STX3: variants seen among roughly 807,000 people sequenced by gnomAD.
STX3 encodes syntaxin-3.
STX3 carries 19 observed loss-of-function variants against 40.2 expected under a neutral mutation model. That is an observed-to-expected ratio of 0.47 (90% CI 0.33 to 0.69). STX3 has a LOEUF of 0.69. Ranked by LOEUF, STX3 falls within the 30% of genes least tolerant of loss-of-function variation. The pLI is 0.02. For missense variants in STX3, 364 were observed against 366.7 expected (o/e 0.99, Z 0.06); for synonymous variants, 122 against 132.2 (o/e 0.92, Z 0.53).
At position 59,788,883 on chromosome 11, in the gene STX3, T is replaced by A; in HGVS notation, c.225T>A (p.Asp75Glu). 6.2e-7 allele frequency: 1 copy of A among 1,612,430 alleles called. No homozygotes were observed. The highest frequency in any genetic ancestry group is 8.5e-7 in the Non-Finnish European group (1 of 1,179,210). Reference protein sequence around the residue: ...SAPIPEPKTKDDLEQLTTEIK... With the variant: ...SAPIPEPKTKEDLEQLTTEIK... ...CCTTTATTTACCCAGAAACCAAGGA[T>A]GACCTAGAGCAGCTCACGACTGAGA... Residue 75 changes from aspartate to glutamate, a missense_variant, in exon 4 of 11, where the codon GAT (aspartate) becomes GAA (glutamate). Coordinates refer to ENST00000337979, the MANE Select transcript of STX3 (RefSeq NM_004177.5).
intron 1 of STX3, among the ~76,000 whole-genome samples, chr11:59,763,745 C>T (rs1031309041): frequency 5.9e-5 from 9 of 152,184 alleles, no homozygotes; most frequent in Non-Finnish European, 1.0e-4. Flanking sequence ...CGGCCGGGCG[C>T]GGTGGCTCAT....
intron 1 of STX3, among the ~76,000 whole-genome samples, chr11:59,757,525 C>T (rs1862786016): frequency 6.6e-6 from 1 of 152,158 alleles, no homozygotes; most frequent in Admixed American, 6.5e-5. Context: ...CTCCTCGGTG[C>T]CTCATGGTTA....
chr11:59,772,280 C>G (rs1048285372), intron 1 of STX3, among the ~76,000 whole-genome samples: 9 of 152,232 alleles, frequency 5.9e-5, no homozygotes, highest in Admixed American at 2.6e-4. Context: ...TGTGCAGCAG[C>G]TGTCTGGGAA....
At chr11:59,770,371 A>G (rs2134907731) in intron 1 of STX3, among the ~76,000 whole-genome samples, 1 of 147,862 alleles carries the variant, frequency 6.8e-6, no homozygotes, top group African/African-American at 2.5e-5. Flanking sequence ...GAGTGTGTGT[A>G]TGTATAGGGT....
intron 10 of STX3, chr11:59,799,963 T>A: frequency 1.0e-6 from 1 of 985,384 alleles, no homozygotes; most frequent in Non-Finnish European, 1.2e-6. Context: ...TATTTTTCCA[T>A]ATCCTTGGAT....
At chr11:59,763,800 C>G (rs1348253247) in intron 1 of STX3, among the ~76,000 whole-genome samples, 1 of 152,174 alleles carries the variant, frequency 6.6e-6, no homozygotes, top group South Asian at 2.1e-4. Flanking sequence ...GGTGGATCAC[C>G]TGAGGTTGGG....
rs539118682 is a variant in STX3 at position 59,755,406 on chromosome 11, G to A, written c.-200G>A. 1.9e-3 allele frequency: 811 copies of A among 431,770 alleles called. 6 individuals are homozygous for A. The highest frequency in any genetic ancestry group is 0.014 in the African/African-American group (687 of 48,114). 26.7% of individuals were successfully genotyped at this position (431,770 alleles called of 1,614,324 possible). On this transcript the variant is annotated 5_prime_UTR_variant, in exon 1 of 11. Transcript: ENST00000337979. ...TGGAGCGCGAGGCGCCGGTGGGGGC[G>A]GAGGGGGCTGCGCGGCGGAGGCTCC...
intron 2 of STX3, among the ~76,000 whole-genome samples, chr11:59,784,257 T>G (rs889530243): frequency 3.3e-5 from 5 of 152,252 alleles, no homozygotes; most frequent in South Asian, 2.1e-4. Context: ...ATGCAAAATC[T>G]AAGTCCTTCA....
At chr11:59,777,682 G>C (rs1034998959) in intron 2 of STX3, among the ~76,000 whole-genome samples, 2 of 152,222 alleles carry the variant, frequency 1.3e-5, no homozygotes, top group Non-Finnish European at 2.9e-5. Flanking sequence ...TTCTAGGTCA[G>C]CATCACTGTG....
rs140709330 is a variant in STX3 at position 59,797,357 on chromosome 11, G to A, written c.861G>A (p.Gly287=). ...CATTGATTATTGGACTTTCCGTTGG[G>A]CTGAATTAAGAGTGGCCTAAGAGGC... ...ILALIIGLSV[G]LN is the part of the protein sequence containing the mutation. Residue 287 remains glycine, a synonymous_variant, in exon 10 of 11, where the codon GGG becomes GGA. Coordinates refer to ENST00000337979, the MANE Select transcript of STX3 (RefSeq NM_004177.5). 44 of 1,614,158 alleles carry A rather than the reference G, an allele frequency of 2.7e-5. No homozygotes were observed. Among genetic ancestry groups the A allele is most frequent in the Non-Finnish European group, 3.6e-5 (42 of 1,180,016 alleles).
At chr11:59,787,628 C>T (rs1282938120) in intron 3 of STX3, among the ~76,000 whole-genome samples, 2 of 152,244 alleles carry the variant, frequency 1.3e-5, no homozygotes, top group African/African-American at 4.8e-5. Context: ...TTTTTTCTCC[C>T]CTAATTGTTT....
chr11:59,784,698 A>T (rs1014447399), intron 2 of STX3, among the ~76,000 whole-genome samples: 1 of 152,174 alleles, frequency 6.6e-6, no homozygotes, highest in African/African-American at 2.4e-5. Flanking sequence ...AAACCATCAG[A>T]TCTTGTGAGA....
chr11:59,782,385 T>C (rs1486514308), intron 2 of STX3, among the ~76,000 whole-genome samples: 1 of 152,200 alleles, frequency 6.6e-6, no homozygotes, highest in African/African-American at 2.4e-5. Flanking sequence ...ACCTGGCATA[T>C]GACAAATGTG....
At chr11:59,767,761 G>C (rs1863348775) in intron 1 of STX3, among the ~76,000 whole-genome samples, 1 of 152,184 alleles carries the variant, frequency 6.6e-6, no homozygotes, top group African/African-American at 2.4e-5. Flanking sequence ...ATTCCTTTCT[G>C]TGTCAGTAAC....
In STX3 at chr11:59,800,722, T is replaced by C. The variant is rs530143485; in HGVS notation, c.*31-133T>C. 23 of 1,474,612 alleles carry C rather than the reference T, an allele frequency of 1.6e-5. No homozygotes were observed. In the East Asian group the frequency reaches 5.2e-4, roughly 34 times the overall value. 91.3% of individuals were successfully genotyped at this position (1,474,612 alleles called of 1,614,324 possible). On this transcript the variant is annotated intron_variant, in intron 10 of 10. Coordinates refer to ENST00000337979, the MANE Select transcript of STX3 (RefSeq NM_004177.5). ...CAGTGGGATATTTAACTCCAAGTTC[T>C]GTCCTGGGTTTGTCTATTTCATAGT...
chr11:59,783,367 T>C (rs940156633), intron 2 of STX3, among the ~76,000 whole-genome samples: 8 of 152,218 alleles, frequency 5.3e-5, no homozygotes, highest in Non-Finnish European at 1.0e-4. Context: ...CAGTTTTGCC[T>C]CTTTCTGCAG....
rs1565160267 is a variant in STX3 at position 59,760,227 on chromosome 11, G to A, written c.30+4592G>A. 5.3e-5 allele frequency among the ~76,000 whole-genome samples: 8 copies of A among 152,078 alleles called. No individual in the cohort carries two copies. The South Asian group carries it at 1.5e-3, about 28-fold the overall frequency. ...GGGGAATTGGCAGGAGCTAAGGGAG[G>A]GACACTTGTTCATGTTGTCCTCTCT... On this transcript the variant is annotated intron_variant, in intron 1 of 10. Coordinates refer to ENST00000337979, the MANE Select transcript of STX3 (RefSeq NM_004177.5).
At chr11:59,795,913 A>G (rs539914519) in intron 9 of STX3, among the ~76,000 whole-genome samples, 1 of 151,988 alleles carries the variant, frequency 6.6e-6, no homozygotes, top group Non-Finnish European at 1.5e-5. Flanking sequence ...CTCACAAGCT[A>G]TCTCCCCAAA....
rs11421195 is a variant in STX3 at position 59,799,236 on chromosome 11, TA to T, written c.*31-1610del. 1.6e-4 allele frequency among the ~76,000 whole-genome samples: 25 copies of T among 151,584 alleles called. No individual in the cohort carries two copies. In the South Asian group the frequency reaches 3.5e-3, roughly 22 times the overall value. On this transcript the variant is annotated intron_variant, in intron 10 of 10. Coordinates refer to ENST00000337979, the MANE Select transcript of STX3 (RefSeq NM_004177.5). Reference sequence around the variant, plus strand: ...CTGAATAAAATATAGCATGCATTGTTAAAAAAAAACCTATAAAATACAGAAA... The same window carrying T: ...CTGAATAAAATATAGCATGCATTGTTAAAAAAAACCTATAAAATACAGAAA...
Sources: allele counts gnomAD v4.1 joint callset (sites outside exome capture counted in the v4.1 genomes callset), GRCh38; gene constraint gnomAD v4.1.1; transcripts MANE v1.5; gene names NCBI Gene and HGNC (gene_info 2026-07-23, HGNC 2026-07-21).